Variants in CLVS2 observed in about 807,000 individuals in gnomAD.
The protein encoded by CLVS2 is clavesin-2.
Under a neutral mutation model 29.0 loss-of-function variants are expected in CLVS2, and 19 were observed. The observed-to-expected ratio is 0.66, with a 90% CI of 0.46 to 0.96. The LOEUF is 0.96. Ranked by LOEUF, CLVS2 falls within the 40% of genes least tolerant of loss-of-function variation. CLVS2 has a pLI of 0.00. For missense variants in CLVS2, 294 were observed against 404.1 expected (o/e 0.73, Z 2.34); for synonymous variants, 161 against 151.3 (o/e 1.06, Z -0.47).
chr6:123,017,244 A>G (rs1451095490), intron 3 of CLVS2, among the ~76,000 whole-genome samples: 4 of 152,120 alleles, frequency 2.6e-5, no homozygotes, highest in Non-Finnish European at 4.4e-5. Flanking sequence ...TTAAGCTGCC[A>G]ATAGTTTTCA....
intron 3 of CLVS2, among the ~76,000 whole-genome samples, chr6:123,013,024 G>T (rs377464729): frequency 2.0e-5 from 3 of 151,936 alleles, no homozygotes; most frequent in East Asian, 3.9e-4. Flanking sequence ...CTGTGTCTGT[G>T]TCTACTCTAT....
Position 122,998,074 on chromosome 6 carries a change from A to T in CLVS2, c.297A>T (p.Ala99=). 1 of 1,614,184 alleles carries T rather than the reference A, an allele frequency of 6.2e-7. No individual in the cohort carries two copies. The highest frequency in any genetic ancestry group is 8.5e-7 in the Non-Finnish European group (1 of 1,180,020). ...CCACCGACCCTGGCATCAAGCAGGCACTGAAGGATGGCTTCCCTGGGGGCC... is the reference window on the plus strand; with the variant it reads ...CCACCGACCCTGGCATCAAGCAGGCTCTGAAGGATGGCTTCCCTGGGGGCC... ...FKATDPGIKQ[A]LKDGFPGGLA... Residue 99 remains alanine (A), a synonymous_variant, in exon 2 of 6, where the codon GCA becomes GCT. Transcript: ENST00000275162.
intron 3 of CLVS2, among the ~76,000 whole-genome samples, chr6:123,021,052 G>C (rs1440680577): frequency 1.2e-4 from 6 of 51,996 alleles, no homozygotes; most frequent in Non-Finnish European, 2.7e-4. Context: ...GAAAGAGTAT[G>C]GGGGGGGTAA....
chr6:123,039,131 A>G (rs780625935), intron 3 of CLVS2, among the ~76,000 whole-genome samples: 7 of 152,114 alleles, frequency 4.6e-5, no homozygotes, highest in Non-Finnish European at 7.4e-5. Flanking sequence ...CCTGATTCTT[A>G]CTGTAATTTT....
chr6:123,030,063 CGCAAGCG>C (rs1775060998), intron 3 of CLVS2, among the ~76,000 whole-genome samples: 1 of 152,172 alleles, frequency 6.6e-6, no homozygotes, highest in Non-Finnish European at 1.5e-5. Flanking sequence ...GTAAAAACTG[CGCAAGCG>C]CTGGCTGCCA....
intron 3 of CLVS2, among the ~76,000 whole-genome samples, chr6:123,027,800 T>C (rs919326404): frequency 1.3e-5 from 2 of 152,158 alleles, no homozygotes; most frequent in Admixed American, 6.6e-5. Context: ...AGAGATTCTT[T>C]GAAAAAAAAT....
intron 3 of CLVS2, among the ~76,000 whole-genome samples, chr6:123,037,240 AAC>A (rs1775168116): frequency 6.6e-6 from 1 of 152,050 alleles, no homozygotes; most frequent in Non-Finnish European, 1.5e-5. Context: ...ACCCAGATTA[AAC>A]TGTGGCAAAC....
Position 123,055,979 on chromosome 6 carries a change from G to A in CLVS2, c.849G>A (p.Met283Ile). 4 of 1,613,920 alleles carry A rather than the reference G, an allele frequency of 2.5e-6. No individual in the cohort carries two copies. The highest frequency in any genetic ancestry group is 3.4e-6 in the Non-Finnish European group (4 of 1,179,914). ...AGTACAATGTAGACTCCTACAGCAT[G>A]CCTGTGAAGGAAGTAGAGAAGGAAC... Reference protein sequence around the residue: ...DSEYNVDSYSMPVKEVEKELS... With the variant: ...DSEYNVDSYSIPVKEVEKELS... Residue 283 changes from methionine (M) to isoleucine (I), a missense_variant, in exon 5 of 6, where the codon ATG becomes ATA. By Grantham distance (10) the Met-to-Ile change is conservative. Transcript: ENST00000275162.
At chr6:123,034,147 A>G (rs1775118865) in intron 3 of CLVS2, among the ~76,000 whole-genome samples, 1 of 152,142 alleles carries the variant, frequency 6.6e-6, no homozygotes, top group Non-Finnish European at 1.5e-5. Flanking sequence ...CGGGAAAACA[A>G]TTGGCAGTTT....
chr6:123,037,748 A>G (rs1339564979), intron 3 of CLVS2, among the ~76,000 whole-genome samples: 1 of 152,068 alleles, frequency 6.6e-6, no homozygotes, highest in African/African-American at 2.4e-5. Context: ...ATTAAACTAA[A>G]ATAAACTAAA....
intron 4 of CLVS2, among the ~76,000 whole-genome samples, chr6:123,052,981 A>G (rs1351106302): frequency 6.7e-6 from 1 of 150,090 alleles, no homozygotes; most frequent in Non-Finnish European, 1.5e-5. Context: ...TAAAGAAATC[A>G]CCAATGAGAA....
chr6:123,023,526 A>T (rs566862555), intron 3 of CLVS2, among the ~76,000 whole-genome samples: 2 of 152,258 alleles, frequency 1.3e-5, no homozygotes, highest in South Asian at 4.1e-4. Flanking sequence ...AGCACAAAAC[A>T]TTCTTAAGTT....
chr6:123,014,704 G>T (rs1027651163), intron 3 of CLVS2, among the ~76,000 whole-genome samples: 1 of 152,014 alleles, frequency 6.6e-6, no homozygotes, highest in Non-Finnish European at 1.5e-5. Flanking sequence ...GATGTGTGCT[G>T]CCTTTCTCAC....
intron 2 of CLVS2, among the ~76,000 whole-genome samples, chr6:123,007,889 C>A (rs1011221317): frequency 1.3e-5 from 2 of 152,156 alleles, no homozygotes; most frequent in African/African-American, 4.8e-5. Context: ...AAACCCCAAA[C>A]ATGAACAAGT....
rs1364332297 is a variant in CLVS2, at chr6:123,067,367, A to T, written c.*3606A>T. The T allele has an allele frequency of 4.0e-5, 6 of 151,710 alleles. No individual in the cohort carries two copies. The highest frequency in any genetic ancestry group is 8.9e-5 in the Non-Finnish European group (6 of 67,746). 9.4% of individuals were successfully genotyped at this position (151,710 alleles called of 1,614,324 possible). On this transcript the variant is annotated 3_prime_UTR_variant, in exon 6 of 6. Transcript: ENST00000275162. ...AGGGACAGGGATCATTTGCTTCTAC[A>T]ATGTAAAGGTTTATGGACATATCTC...
At chr6:123,014,614 G>A (rs539883610) in intron 3 of CLVS2, among the ~76,000 whole-genome samples, 5 of 152,032 alleles carry the variant, frequency 3.3e-5, no homozygotes, top group South Asian at 2.1e-4. Flanking sequence ...GAAATGATAC[G>A]TCTTCTACCT....
intron 3 of CLVS2, among the ~76,000 whole-genome samples, chr6:123,021,253 C>T (rs1017775763): frequency 4.0e-5 from 6 of 151,844 alleles, no homozygotes; most frequent in African/African-American, 7.3e-5. Context: ...TAGTTGTTAG[C>T]CATCCATTAT....
At chr6:123,051,535 C>A (rs1772611105) in intron 4 of CLVS2, among the ~76,000 whole-genome samples, 1 of 152,182 alleles carries the variant, frequency 6.6e-6, no homozygotes, top group Admixed American at 6.6e-5. Flanking sequence ...CTAGTGTATT[C>A]TTCAGCAAGT....
chr6:123,004,907 C>G (rs978877297), intron 2 of CLVS2, among the ~76,000 whole-genome samples: 2 of 150,986 alleles, frequency 1.3e-5, no homozygotes, highest in Non-Finnish European at 2.9e-5. Context: ...GAGCAAAACT[C>G]CATCTCCAAA....
Sources: gnomAD v4.1 joint callset for allele counts (sites outside exome capture counted in the v4.1 genomes callset) on GRCh38, gnomAD v4.1.1 for gene constraint, MANE v1.5 for transcripts, NCBI Gene and HGNC (gene_info 2026-07-23, HGNC 2026-07-21) for gene names.